Variants in LAMB4 observed in about 807,000 individuals in gnomAD.
The protein encoded by LAMB4 is laminin subunit beta 4.
LAMB4 carries 196 observed loss-of-function variants against 199.2 expected under a neutral mutation model. The observed-to-expected ratio is 0.98, with a 90% CI of 0.88 to 1.11. The LOEUF (loss-of-function observed/expected upper bound fraction) is 1.11, where lower values mean the gene tolerates loss of function less well. LAMB4 is among the 50% of genes least tolerant of loss of function. LAMB4 has a pLI of 0.00. For synonymous variants in LAMB4, 744 were observed against 770.6 expected, an observed-to-expected ratio of 0.97 and a Z score of 0.57; for missense variants, 2,080 against 2,171.2, an observed-to-expected ratio of 0.96 and a Z score of 0.83.
rs145217198 is a variant in LAMB4 at position 108,102,770 on chromosome 7, C to T, written c.1180+274G>A. Among the ~76,000 whole-genome samples, 275 of 152,274 alleles carry T rather than the reference C, an allele frequency of 1.8e-3. 2 individuals are homozygous for T. The highest frequency in any genetic ancestry group is 6.0e-3 in the African/African-American group (250 of 41,542). The stretch of plus-strand genomic sequence containing the variant: ...AGCCAATTTTACCACTTTGGTTCCT[C>T]CCCCAGCAGGCTTCCATGATACTCA... On this transcript the variant is annotated intron_variant, in intron 10 of 33. Transcript: ENST00000388781.
downstream of LAMB4, among the ~76,000 whole-genome samples, chr7:108,018,905 G>A (rs1274829573): frequency 6.6e-6 from 1 of 152,146 alleles, no homozygotes; most frequent in Non-Finnish European, 1.5e-5. Flanking sequence ...TGCCCCAGGT[G>A]TGTCCCGTGT....
chr7:108,109,682 A>G (rs1173371851), intron 4 of LAMB4, among the ~76,000 whole-genome samples: 1 of 152,186 alleles, frequency 6.6e-6, no homozygotes, highest in African/African-American at 2.4e-5. Context: ...CTAGAATTTC[A>G]TTGTCACCTG....
In LAMB4 at chr7:108,066,519, G is replaced by C. The variant is rs765732544; in HGVS notation, c.2528C>G (p.Ser843Cys). 2 of 1,614,034 alleles carry C rather than the reference G, an allele frequency of 1.2e-6. No homozygotes were observed. The highest frequency in any genetic ancestry group is 3.3e-5 in the Admixed American group (2 of 60,020). ...TGQCPCHGEVSGRRCDRCLAG... is the reference protein window; with the variant it reads ...TGQCPCHGEVCGRRCDRCLAG... ...CAGGCAGCGATCACAGCGGCGGCCA[G>C]ACACCTCTCCATGGCAGGGGCACTG... Residue 843 changes from serine (S) to cysteine (C), a missense_variant, in exon 20 of 34, where the codon TCT becomes TGT. Physicochemically the swap from Ser to Cys is moderately radical, Grantham distance 112. Transcript: ENST00000388781.
chr7:108,096,915 G>A (rs1563089274), intron 11 of LAMB4, among the ~76,000 whole-genome samples: 2 of 100,184 alleles, frequency 2.0e-5, no homozygotes, highest in African/African-American at 7.8e-5. Context: ...CAGCCTTGAT[G>A]ACAAAACAAG....
chr7:108,029,062 G>A lies in LAMB4; in HGVS notation c.5127C>T (p.Ala1709=). 1 of 1,613,464 alleles carries A rather than the reference G, an allele frequency of 6.2e-7. No individual in the cohort carries two copies. The highest frequency in any genetic ancestry group is 1.1e-5 in the South Asian group (1 of 90,912). ...AGATACCTGTTATTCTTCTTATCTT[G>A]GCCTCTGTATCTCCAGCCAATTTTT... ...AAEKLAGDTE[A]KIRRITDLER... Residue 1709 remains alanine, a synonymous_variant, in exon 33 of 34, where the codon GCC becomes GCT. Transcript: ENST00000388781.
chr7:108,019,945 G>A (rs1377074157), downstream of LAMB4, among the ~76,000 whole-genome samples: 1 of 151,944 alleles, frequency 6.6e-6, no homozygotes, highest in Non-Finnish European at 1.5e-5. Context: ...TCCTTTAATG[G>A]GCCACACCAG....
At chr7:108,036,640 G>A (rs2035241105) in intron 30 of LAMB4, among the ~76,000 whole-genome samples, 2 of 152,036 alleles carry the variant, frequency 1.3e-5, no homozygotes, top group South Asian at 4.2e-4. Flanking sequence ...CAGTGATGGT[G>A]GGTGTTGATG....
chr7:108,064,355 G>C (rs2036264965), intron 21 of LAMB4, among the ~76,000 whole-genome samples: 1 of 152,148 alleles, frequency 6.6e-6, no homozygotes. Context: ...CCCACTCTCA[G>C]TTGATCCTAG....
chr7:108,103,102 G>A lies in LAMB4; in HGVS notation c.1122C>T (p.Cys374=). 6.2e-7 allele frequency: 1 copy of A among 1,613,732 alleles called. No individual in the cohort carries two copies. The highest frequency in any genetic ancestry group is 1.1e-5 in the South Asian group (1 of 91,016). ...HNTEGQHCDR[C]RPLFYRDPLK... ...GCGGGTCCCTGTAGAAGAGGGGTCT[G>A]CAGCGGTCGCAGTGCTGCCCCTCAG... The change falls in exon 10 of 34, where the codon TGC becomes TGT. Residue 374 remains cysteine, a synonymous_variant. Transcript: ENST00000388781.
intron 27 of LAMB4, 120 bp downstream of exon 27, chr7:108,049,206 A>T (rs112785097): frequency 1.5e-5 from 4 of 273,212 alleles, no homozygotes; most frequent in African/African-American, 4.5e-5. Context: ...ATATATTTAT[A>T]TATTTCTAAT....
chr7:108,129,389 T>C (rs1388547455), intron 1 of LAMB4, among the ~76,000 whole-genome samples: 1 of 152,204 alleles, frequency 6.6e-6, no homozygotes, highest in African/African-American at 2.4e-5. Context: ...CAAATAATTG[T>C]CTATAAAGTG....
chr7:108,091,855 G>T, intron 13 of LAMB4, 79 bp from the exon 14 acceptor site: 1 of 1,404,942 alleles, frequency 7.1e-7, no homozygotes, highest in Non-Finnish European at 9.9e-7. Flanking sequence ...CTGGGCTAAT[G>T]CTCCCTGAGT....
intron 17 of LAMB4, among the ~76,000 whole-genome samples, chr7:108,076,401 A>G (rs1462226296): frequency 1.3e-5 from 2 of 152,220 alleles, no homozygotes; most frequent in Non-Finnish European, 2.9e-5. Flanking sequence ...TAAGAAGACT[A>G]CATACATACC....
chr7:108,073,297 C>T (rs544586309), intron 17 of LAMB4, among the ~76,000 whole-genome samples: 8 of 152,350 alleles, frequency 5.3e-5, no homozygotes, highest in Admixed American at 2.0e-4. Context: ...TAAGCCACCG[C>T]GCCCGGCCAG....
chr7:108,093,723 A>G (rs1296478445), intron 12 of LAMB4, among the ~76,000 whole-genome samples: 2 of 152,194 alleles, frequency 1.3e-5, no homozygotes, highest in Non-Finnish European at 2.9e-5. Flanking sequence ...TCAATTGAAC[A>G]TGCTCCGATA....
Position 108,109,212 on chromosome 7 carries a change from C to CT in LAMB4, c.360dup (p.Glu121ArgfsTer14), listed in dbSNP as rs2038133493. On this transcript the variant is annotated frameshift_variant, in exon 5 of 34. Coordinates refer to ENST00000388781, the MANE Select transcript of LAMB4 (RefSeq NM_007356.3). LOFTEE classifies it high-confidence loss of function. Reference sequence around the variant, plus strand: ...AGGTGGCTGAACCGAAATAATGCCTCTAAGTCCAGTCTGATGCTGACATGA... The same window carrying CT: ...AGGTGGCTGAACCGAAATAATGCCTCTTAAGTCCAGTCTGATGCTGACATGA... The CT allele has an allele frequency of 6.2e-7, 1 of 1,613,702 alleles. No individual in the cohort carries two copies. Among genetic ancestry groups the CT allele is most frequent in the East Asian group, 2.2e-5 (1 of 44,870 alleles).
rs1482204166 is a variant in LAMB4, at chr7:108,063,756, C to A, written c.3061+5G>T. The A allele has an allele frequency of 1.2e-6, 2 of 1,610,042 alleles. No individual in the cohort carries two copies. The highest frequency in any genetic ancestry group is 1.3e-5 in the African/African-American group (1 of 74,974). On this transcript the variant is annotated splice_donor_5th_base_variant and intron_variant, in intron 22 of 33. Transcript: ENST00000388781. Reference sequence around the variant, plus strand: ...CATTTCCCCCTGGGAGTTTTGCAGACTTACTTCTGCAGGTCTGATTGAGGG... The same window carrying A: ...CATTTCCCCCTGGGAGTTTTGCAGAATTACTTCTGCAGGTCTGATTGAGGG...
the LAMB4 span, among the ~76,000 whole-genome samples, chr7:108,015,748 C>CTTTTTT: frequency 8.1e-6 from 1 of 123,490 alleles, no homozygotes; most frequent in African/African-American, 2.8e-5. Context: ...GTTTTGAAGA[C>CTTTTTT]TTTTTTTTTT....
chr7:108,025,389 T>TTTCTTTCTTTCTTTCTTTCTTTC (rs1554420520), intron 33 of LAMB4, among the ~76,000 whole-genome samples: 16 of 91,200 alleles, frequency 1.8e-4, no homozygotes, highest in African/African-American at 1.0e-3. Context: ...TTTTCTTTTC[T>TTTCTTTCTTTCTTTCTTTCTTTC]TTTCTTTCTT....
Sources: allele counts gnomAD v4.1 joint callset (sites outside exome capture counted in the v4.1 genomes callset), GRCh38; gene constraint gnomAD v4.1.1; transcripts MANE v1.5; gene names NCBI Gene and HGNC (gene_info 2026-07-23, HGNC 2026-07-21).